Variants in SLC25A13 observed in about 807,000 individuals in gnomAD.
The protein encoded by SLC25A13 is electrogenic aspartate/glutamate antiporter SLC25A13, mitochondrial.
In SLC25A13, 70 loss-of-function variants were observed where a neutral mutation model predicts 85.5. The ratio of observed to expected loss-of-function variants is 0.82; its 90% CI spans 0.68 to 1.00. The LOEUF (loss-of-function observed/expected upper bound fraction) is 1.00, where lower values mean the gene tolerates loss of function less well. SLC25A13 is among the 50% of genes least tolerant of loss of function. SLC25A13 has a pLI of 0.00. For synonymous variants in SLC25A13, 259 were observed against 288.7 expected (o/e 0.90, Z 1.04); for missense variants, 765 against 819.8 (o/e 0.93, Z 0.82).
intron 3 of SLC25A13, among the ~76,000 whole-genome samples, chr7:96,249,885 A>G (rs1437439909): frequency 6.6e-6 from 1 of 151,438 alleles, no homozygotes; most frequent in Non-Finnish European, 1.5e-5. Flanking sequence ...TTAGCAAAAA[A>G]AAAAAAAAAA....
chr7:96,192,659 C>A (rs1159823795), intron 6 of SLC25A13, among the ~76,000 whole-genome samples: 1 of 146,680 alleles, frequency 6.8e-6, no homozygotes, highest in Admixed American at 7.1e-5. Context: ...GCTAACTACT[C>A]TAACAAATGA....
At position 96,208,912 on chromosome 7, in the gene SLC25A13, C is replaced by T; in HGVS notation, c.394G>A (p.Glu132Lys). Residue 132 changes from glutamate to lysine, a missense_variant, in exon 5 of 18, where the codon GAA becomes AAA. Glu to Lys is a moderately conservative substitution (Grantham distance 56). Transcript: ENST00000265631. ...HQHIPFNWDS[E>K]FVQLHFGKER... is the part of the protein sequence containing the mutation. ...TTTCCAAAATGTAGTTGCACAAATT[C>T]TGAATCCCAGTTAAATGGAATATGT... 6.2e-7 allele frequency: 1 copy of T among 1,614,006 alleles called. No individual in the cohort carries two copies.
At chr7:96,150,662 A>G (rs1447332189) in intron 13 of SLC25A13, among the ~76,000 whole-genome samples, 3 of 152,178 alleles carry the variant, frequency 2.0e-5, no homozygotes, top group Non-Finnish European at 4.4e-5. Flanking sequence ...AGACACAGAC[A>G]TGTAGGACAC....
intron 1 of SLC25A13, among the ~76,000 whole-genome samples, chr7:96,315,929 C>G (rs934622511): frequency 2.0e-5 from 3 of 151,068 alleles, no homozygotes; most frequent in Non-Finnish European, 4.4e-5. Flanking sequence ...AAAGCCTGGG[C>G]GACATAGCAA....
chr7:96,159,435 T>C (rs1793413800), intron 13 of SLC25A13, among the ~76,000 whole-genome samples: 1 of 152,118 alleles, frequency 6.6e-6, no homozygotes, highest in Non-Finnish European at 1.5e-5. Flanking sequence ...AATTAGAGAT[T>C]AAGACACAGA....
intron 14 of SLC25A13, 150 bp downstream of exon 14, chr7:96,146,406 A>C (rs1792790424): frequency 1.1e-6 from 1 of 945,002 alleles, no homozygotes; most frequent in Non-Finnish European, 1.6e-6. Context: ...CCTCCTTCTA[A>C]TTGGCATGAA....
intron 11 of SLC25A13, 108 bp from the exon 12 acceptor site, chr7:96,171,632 G>T: frequency 1.1e-6 from 1 of 879,990 alleles, no homozygotes. Flanking sequence ...AATCTCTGCT[G>T]CAATTTTCTG....
At chr7:96,157,959 C>T (rs930822313) in intron 13 of SLC25A13, among the ~76,000 whole-genome samples, 2 of 152,200 alleles carry the variant, frequency 1.3e-5, no homozygotes, top group Admixed American at 1.3e-4. Flanking sequence ...TTAGGTCCAA[C>T]AGTTGTGGAC....
chr7:96,271,621 CA>C (rs1184935700), intron 3 of SLC25A13, among the ~76,000 whole-genome samples: 3 of 152,174 alleles, frequency 2.0e-5, no homozygotes, highest in Non-Finnish European at 4.4e-5. Flanking sequence ...CCAAGAGCTT[CA>C]GTTATCTCAT....
intron 3 of SLC25A13, among the ~76,000 whole-genome samples, chr7:96,271,216 T>C (rs892481628): frequency 7.9e-5 from 12 of 152,198 alleles, no homozygotes; most frequent in Admixed American, 6.5e-4. Context: ...CGGGCTTTCG[T>C]AAAAATGCTT....
At chr7:96,280,429 T>C (rs10246538) in intron 2 of SLC25A13, among the ~76,000 whole-genome samples, 2,066 of 152,176 alleles carry the variant, frequency 0.014, 55 homozygotes, top group African/African-American at 0.047. Context: ...AATAAAACAA[T>C]GCAAGGCAGG....
chr7:96,188,024 T>A (rs4236528), intron 9 of SLC25A13, among the ~76,000 whole-genome samples: 150,040 of 152,304 alleles, frequency 0.99, 73,946 homozygotes, highest in East Asian at 1. Context: ...TGCAAAGAGC[T>A]TAAAGGAAAA....
intron 1 of SLC25A13, among the ~76,000 whole-genome samples, chr7:96,308,133 A>G (rs1799823775): frequency 6.6e-6 from 1 of 150,504 alleles, no homozygotes; most frequent in African/African-American, 2.5e-5. Flanking sequence ...AGCCTGGGCA[A>G]CAAGAGCGAA....
intron 12 of SLC25A13, among the ~76,000 whole-genome samples, chr7:96,170,728 A>G (rs944279089): frequency 2.6e-5 from 4 of 152,226 alleles, no homozygotes; most frequent in African/African-American, 9.6e-5. Flanking sequence ...AAGATTAGCT[A>G]TCTCAAGGTC....
chr7:96,249,298 T>C (rs1357885507), intron 3 of SLC25A13, among the ~76,000 whole-genome samples: 5 of 152,252 alleles, frequency 3.3e-5, no homozygotes, highest in Non-Finnish European at 7.3e-5. Flanking sequence ...CATAATTTGC[T>C]TGCTTAAAAA....
intron 2 of SLC25A13, among the ~76,000 whole-genome samples, chr7:96,277,595 A>G (rs1322564117): frequency 6.6e-6 from 1 of 152,142 alleles, no homozygotes; most frequent in Non-Finnish European, 1.5e-5. Flanking sequence ...AGATTGTCAT[A>G]ACATGTGAGG....
At chr7:96,293,604 CA>C (rs1799214360) in intron 2 of SLC25A13, among the ~76,000 whole-genome samples, 2 of 152,150 alleles carry the variant, frequency 1.3e-5, no homozygotes, top group Admixed American at 1.3e-4. Context: ...ACAACCCCAT[CA>C]AAAAGTGGGT....
intron 13 of SLC25A13, among the ~76,000 whole-genome samples, chr7:96,154,294 CTTTT>C (rs1161443008): frequency 8.0e-6 from 1 of 125,502 alleles, no homozygotes; most frequent in Non-Finnish European, 1.7e-5. Context: ...CACTGAGTGT[CTTTT>C]TTTTTTTTTT....
At chr7:96,249,622 G>T (rs562540279) in intron 3 of SLC25A13, among the ~76,000 whole-genome samples, 9 of 152,110 alleles carry the variant, frequency 5.9e-5, no homozygotes, top group Non-Finnish European at 1.2e-4. Context: ...TTCTTACCAA[G>T]TTCTATGTCT....
Sources: gnomAD v4.1 joint callset for allele counts (sites outside exome capture counted in the v4.1 genomes callset) on GRCh38, gnomAD v4.1.1 for gene constraint, MANE v1.5 for transcripts, NCBI Gene and HGNC (gene_info 2026-07-23, HGNC 2026-07-21) for gene names.